PLCE1: variants seen among roughly 807,000 people sequenced by gnomAD.
PLCE1 encodes 1-phosphatidylinositol 4,5-bisphosphate phosphodiesterase epsilon-1.
In PLCE1, 119 loss-of-function variants were observed where a neutral mutation model predicts 242.8. The observed-to-expected ratio is 0.49, with a 90% confidence interval of 0.42 to 0.57. The LOEUF is 0.57. Ranked by LOEUF, PLCE1 falls within the 20% of genes least tolerant of loss-of-function variation. The pLI, the probability that PLCE1 is intolerant of heterozygous loss-of-function variation, is 0.00. For missense variants in PLCE1, 2,441 were observed against 2,788.8 expected, an observed-to-expected ratio of 0.88 and a Z score of 2.81; for synonymous variants, 945 against 1,017.4, an observed-to-expected ratio of 0.93 and a Z score of 1.35.
At chr10:94,163,203 G>A (rs1386027269) in intron 3 of PLCE1, among the ~76,000 whole-genome samples, 2 of 152,154 alleles carry the variant, frequency 1.3e-5, no homozygotes, top group African/African-American at 4.8e-5. Flanking sequence ...TCAGTTCCTG[G>A]ATATCCTTGT....
intron 2 of PLCE1, among the ~76,000 whole-genome samples, chr10:94,037,139 A>G (rs1383458668): frequency 2.0e-5 from 3 of 152,180 alleles, no homozygotes; most frequent in Non-Finnish European, 2.9e-5. Context: ...TTTCTTCTTC[A>G]TACTTTACTC....
chr10:94,109,655 A>G (rs1429567269), intron 2 of PLCE1, among the ~76,000 whole-genome samples: 7 of 152,188 alleles, frequency 4.6e-5, no homozygotes, highest in Admixed American at 2.6e-4. Context: ...AATAAAGCTA[A>G]ACTTCCTTAA....
chr10:94,267,351 C>G (rs962243288), intron 16 of PLCE1, among the ~76,000 whole-genome samples: 6 of 152,132 alleles, frequency 3.9e-5, no homozygotes, highest in African/African-American at 1.4e-4. Flanking sequence ...TAATATCACA[C>G]CCCAAGGAGA....
rs2044954459 is a variant in PLCE1, at chr10:94,089,029, C to T, written c.1207-43145C>T. 5 of 1,560,604 alleles carry T rather than the reference C, an allele frequency of 3.2e-6. No homozygotes were observed. In the East Asian group the frequency reaches 1.1e-4, roughly 35 times the overall value. On this transcript the variant is annotated intron_variant, in intron 2 of 32. Coordinates refer to ENST00000371380, the MANE Select transcript of PLCE1 (RefSeq NM_016341.4). ...TCAGCTAATGTAAACACTCATCACCCTGCACGTTGCAGGATTTTTCACTGT... is the reference window on the plus strand; with the variant it reads ...TCAGCTAATGTAAACACTCATCACCTTGCACGTTGCAGGATTTTTCACTGT...
At chr10:94,237,409 TAACTTTCTTGC>T (rs1275490752) in intron 7 of PLCE1, among the ~76,000 whole-genome samples, 2 of 152,180 alleles carry the variant, frequency 1.3e-5, no homozygotes, top group African/African-American at 4.8e-5. Context: ...CTTCAAGTGG[TAACTTTCTTGC>T]ATCATTTTCA....
intron 14 of PLCE1, among the ~76,000 whole-genome samples, chr10:94,264,512 ATTTTTTTTT>A (rs59860171): frequency 1.4e-5 from 1 of 73,106 alleles, no homozygotes; most frequent in Admixed American, 1.7e-4. Context: ...ACATGATTTG[ATTTTTTTTT>A]TTTTTTTTTT....
intron 2 of PLCE1, among the ~76,000 whole-genome samples, chr10:94,058,864 G>A (rs747868429): frequency 2.6e-5 from 4 of 152,004 alleles, no homozygotes; most frequent in South Asian, 2.1e-4. Flanking sequence ...AAATAATAAC[G>A]AAAACCATAG....
chr10:94,002,738 A>C (rs201282514), intron 1 of PLCE1, among the ~76,000 whole-genome samples: 1 of 152,304 alleles, frequency 6.6e-6, no homozygotes, highest in East Asian at 1.9e-4. Flanking sequence ...CGGTCTCCTA[A>C]GAGACTCATG....
intron 4 of PLCE1, among the ~76,000 whole-genome samples, chr10:94,219,178 T>G (rs1038738676): frequency 1.6e-4 from 25 of 152,068 alleles, no homozygotes; most frequent in African/African-American, 6.0e-4. Flanking sequence ...ATATAGTGGA[T>G]ACTCACTAAG....
chr10:94,018,432 G>A (rs528777525), intron 1 of PLCE1, among the ~76,000 whole-genome samples: 170 of 152,292 alleles, frequency 1.1e-3, no homozygotes, highest in African/African-American at 3.9e-3. Flanking sequence ...GCCAACCCAT[G>A]ACCTTCCATC....
chr10:94,127,431 C>T (rs963268060), intron 2 of PLCE1, among the ~76,000 whole-genome samples: 30 of 152,228 alleles, frequency 2.0e-4, no homozygotes, highest in African/African-American at 7.0e-4. Context: ...TTCATCCTCC[C>T]GCAATCTAGT....
At chr10:94,165,754 T>A (rs1345914009) in intron 3 of PLCE1, among the ~76,000 whole-genome samples, 2 of 151,874 alleles carry the variant, frequency 1.3e-5, no homozygotes, top group Non-Finnish European at 2.9e-5. Context: ...GTTGCCCAGG[T>A]TGGAATGCAG....
chr10:93,995,247 G>A (rs1313198894), intron 1 of PLCE1, among the ~76,000 whole-genome samples: 3 of 152,134 alleles, frequency 2.0e-5, no homozygotes, highest in Admixed American at 6.5e-5. Flanking sequence ...TGTATGCATC[G>A]ATGTCTTCAT....
rs759348587 is a variant in PLCE1, at chr10:94,254,235, G to T, written c.3325G>T (p.Ala1109Ser). ...VTDDEMATRK[A>S]KMHKECRSRS... The stretch of plus-strand genomic sequence containing the variant: ...TGACGATGAGATGGCAACCCGAAAG[G>T]CCAAGATGCACAAAGAGTGTCGAAG... The change falls in exon 10 of 33, where the codon GCC becomes TCC. Residue 1109 changes from alanine to serine, a missense_variant. By Grantham distance (99) the Ala-to-Ser change is moderately conservative (BLOSUM62 1). This residue lies in a region of PLCE1 where 1,004 missense variants were observed against 1,322.7 expected (regional missense o/e 0.76). Coordinates refer to ENST00000371380, the MANE Select transcript of PLCE1 (RefSeq NM_016341.4). The T allele has an allele frequency of 1.2e-6, 2 of 1,613,918 alleles. No individual in the cohort carries two copies. Among genetic ancestry groups the T allele is most frequent in the Non-Finnish European group, 1.7e-6 (2 of 1,179,952 alleles).
In PLCE1 at chr10:94,031,298, G is replaced by A. The variant is rs267602624; in HGVS notation, c.252G>A (p.Glu84=). The change falls in exon 2 of 33, where the codon GAG becomes GAA. Residue 84 remains glutamate, a synonymous_variant. Coordinates refer to ENST00000371380, the MANE Select transcript of PLCE1 (RefSeq NM_016341.4). Reference sequence around the variant, plus strand: ...CGAGGGAGAAAATAGTGAGTGATGAGAACAGTAATGAAAAATGTTGGGAGA... The same window carrying A: ...CGAGGGAGAAAATAGTGAGTGATGAAAACAGTAATGAAAAATGTTGGGAGA... ...SIAREKIVSD[E]NSNEKCWEKI... The A allele has an allele frequency of 6.2e-7, 1 of 1,613,854 alleles. No homozygotes were observed. Among genetic ancestry groups the A allele is most frequent in the Non-Finnish European group, 8.5e-7 (1 of 1,179,890 alleles).
rs2054115659 is a variant in PLCE1 at position 94,328,634 on chromosome 10, A to AAGCTT, written c.*694_*698dup. The AAGCTT allele has an allele frequency of 6.6e-6, 1 of 152,240 alleles. No individual in the cohort carries two copies. Among genetic ancestry groups the AAGCTT allele is most frequent in the African/African-American group, 2.4e-5 (1 of 41,444 alleles). 9.4% of individuals were successfully genotyped at this position (152,240 alleles called of 1,614,324 possible). On this transcript the variant is annotated 3_prime_UTR_variant, in exon 33 of 33. Transcript: ENST00000371380. Reference sequence around the variant, plus strand: ...CATACATTTTATGGCCGAGAATTAGAAGCTTAGAATTAGAAGCTTTGGGGC... The same window carrying AAGCTT: ...CATACATTTTATGGCCGAGAATTAGAAGCTTAGCTTAGAATTAGAAGCTTTGGGGC...
intron 2 of PLCE1, among the ~76,000 whole-genome samples, chr10:94,131,610 A>C (rs1325820521): frequency 2.6e-5 from 4 of 152,164 alleles, no homozygotes; most frequent in African/African-American, 7.2e-5. Context: ...TGGATATGGG[A>C]GGTGAGGGAG....
intron 4 of PLCE1, among the ~76,000 whole-genome samples, chr10:94,217,824 C>T (rs2049582371): frequency 6.6e-6 from 1 of 152,068 alleles, no homozygotes; most frequent in African/African-American, 2.4e-5. Context: ...AGCCATTCTG[C>T]AAACAATAGA....
chr10:94,018,035 GT>G (rs2061311499), intron 1 of PLCE1, among the ~76,000 whole-genome samples: 1 of 152,144 alleles, frequency 6.6e-6, no homozygotes, highest in Non-Finnish European at 1.5e-5. Context: ...CATCTTACGA[GT>G]TTTTAATTCT....
Sources: gnomAD v4.1 joint callset for allele counts (sites outside exome capture counted in the v4.1 genomes callset) on GRCh38, gnomAD v4.1.1 for gene constraint, gnomAD v4.1.1 regional missense constraint, MANE v1.5 for transcripts, NCBI Gene and HGNC (gene_info 2026-07-23, HGNC 2026-07-21) for gene names.